Variants in CRYBG1 observed in about 807,000 individuals in gnomAD.
CRYBG1 encodes beta/gamma crystallin domain-containing protein 1.
A neutral mutation model predicts 189.2 loss-of-function variants in CRYBG1; 139 were observed. That is an observed-to-expected ratio of 0.73 (90% CI 0.64 to 0.85). The LOEUF (loss-of-function observed/expected upper bound fraction) is 0.85, where lower values mean the gene tolerates loss of function less well. Among genes scored for constraint, CRYBG1 ranks in the 40% least tolerant of loss-of-function variants. The pLI, the probability that CRYBG1 is intolerant of heterozygous loss-of-function variation, is 0.00. For synonymous variants in CRYBG1, 1,023 were observed against 1,017.1 expected (o/e 1.01, Z -0.11); for missense variants, 2,611 against 2,675.8 (o/e 0.98, Z 0.53).
In CRYBG1 at chr6:106,521,046, CAGTCT is replaced by C; in HGVS notation, c.3839_3843del (p.Gln1280LeufsTer8). The C allele has an allele frequency of 6.2e-7, 1 of 1,614,204 alleles. No homozygotes were observed. Among genetic ancestry groups the C allele is most frequent in the Non-Finnish European group, 8.5e-7 (1 of 1,180,034 alleles). On this transcript the variant is annotated frameshift_variant, in exon 4 of 22. Coordinates refer to ENST00000633556, the MANE Select transcript of CRYBG1 (RefSeq NM_001371242.2). LOFTEE classifies it high-confidence loss of function. ...TACTTCTCAGAACGGTTCCCTATCT[CAGTCT>C]TCAGTGTCACAGCCCACGACTGAGG...
At chr6:106,505,648 C>A (rs1169434710) in intron 2 of CRYBG1, among the ~76,000 whole-genome samples, 1 of 152,054 alleles carries the variant, frequency 6.6e-6, no homozygotes, top group Non-Finnish European at 1.5e-5. Flanking sequence ...ATTTTCTAAC[C>A]CCTATTTTAA....
chr6:106,512,098 GC>G lies in CRYBG1; in HGVS notation c.985del (p.Arg329AlafsTer48). 6.5e-7 allele frequency: 1 copy of G among 1,534,358 alleles called. No homozygotes were observed. The highest frequency in any genetic ancestry group is 8.7e-7 in the Non-Finnish European group (1 of 1,146,212). The part of the protein sequence containing the change: ...SVCAEEGSLG[P>X]RNARSQPPKG... ...TGTGTGCCGAAGAAGGCTCCCTGGG[GC>G]CCCGCAACGCCCGCAGCCAGCCCCC... On this transcript the variant is annotated frameshift_variant, in exon 3 of 22. Coordinates refer to ENST00000633556, the MANE Select transcript of CRYBG1 (RefSeq NM_001371242.2). LOFTEE classifies it high-confidence loss of function.
rs550257009 is a variant in CRYBG1, at chr6:106,481,043, G to A, written c.312+29211G>A. On this transcript the variant is annotated intron_variant, in intron 2 of 21. Coordinates refer to ENST00000633556, the MANE Select transcript of CRYBG1 (RefSeq NM_001371242.2). ...GGCTGGAGTGCAGTGGCGGGATCTC[G>A]GCTCACTGCAAGCTCCGCCTCCCGG... Among the ~76,000 whole-genome samples the A allele has an allele frequency of 8.6e-5, 6 of 69,380 alleles. 1 individual carries two copies. In the South Asian group the frequency reaches 2.8e-3, roughly 32 times the overall value. 45.5% of individuals were successfully genotyped at this position (69,380 alleles called of 152,430 possible). A position where few individuals can be genotyped will look rare whatever the true frequency, so the allele number is the denominator to read the frequency against.
chr6:106,416,320 A>G (rs1771020275), intron 1 of CRYBG1, among the ~76,000 whole-genome samples: 1 of 152,122 alleles, frequency 6.6e-6, no homozygotes, highest in Non-Finnish European at 1.5e-5. Context: ...TAATTTCTGT[A>G]TTTGGTTTTC....
chr6:106,424,972 G>C (rs1354587548), intron 1 of CRYBG1, among the ~76,000 whole-genome samples: 1 of 152,104 alleles, frequency 6.6e-6, no homozygotes, highest in Non-Finnish European at 1.5e-5. Context: ...CAGACTCTCT[G>C]AGGTGCCTCC....
At chr6:106,480,868 G>T (rs574699583) in intron 2 of CRYBG1, among the ~76,000 whole-genome samples, 19 of 150,574 alleles carry the variant, frequency 1.3e-4, no homozygotes, top group South Asian at 4.2e-4. Context: ...CTGCTTGGAA[G>T]GCTGAGACAT....
intron 1 of CRYBG1, among the ~76,000 whole-genome samples, chr6:106,371,833 T>C (rs1770043147): frequency 6.6e-6 from 1 of 152,230 alleles, no homozygotes; most frequent in South Asian, 2.1e-4. Context: ...TGTAAAAGGT[T>C]TCAAGTACTT....
At position 106,512,814 on chromosome 6, in the gene CRYBG1, C is replaced by T. The variant is rs373973928; in HGVS notation, c.1697C>T (p.Ala566Val). 30 of 1,574,504 alleles carry T rather than the reference C, an allele frequency of 1.9e-5. No homozygotes were observed. The African/African-American group carries it at 3.8e-4, about 20-fold the overall frequency. ...AAESGEEAAR[A>V]IPRELPVKSS... ...GAGAGCGGGGAGGAGGCGGCGCGGG[C>T]CATCCCCCGCGAGCTCCCGGTCAAG... Residue 566 changes from alanine to valine, a missense_variant, in exon 3 of 22, where the codon GCC (alanine) becomes GTC (valine). Transcript: ENST00000633556.
At chr6:106,425,313 G>A (rs1400041455) in intron 1 of CRYBG1, among the ~76,000 whole-genome samples, 1 of 152,062 alleles carries the variant, frequency 6.6e-6, no homozygotes, top group African/African-American at 2.4e-5. Context: ...TTGCACCTTT[G>A]CTTCTCAGTT....
intron 18 of CRYBG1, among the ~76,000 whole-genome samples, chr6:106,558,956 C>G (rs1401035133): frequency 6.6e-6 from 1 of 151,852 alleles, no homozygotes; most frequent in African/African-American, 2.4e-5. Context: ...AAGCAAGACC[C>G]TATCTTAATT....
chr6:106,519,859 T>C lies in CRYBG1; in HGVS notation c.2651T>C (p.Val884Ala), dbSNP rs143832386. ...LSLSAPAPGDVPKDTCVQSPI... is the reference protein window; with the variant it reads ...LSLSAPAPGDAPKDTCVQSPI... ...CTGTCTGCACCCGCTCCTGGGGATG[T>C]TCCCAAAGACACATGTGTTCAATCA... Residue 884 changes from valine (V) to alanine (A), a missense_variant, in exon 4 of 22, where the codon GTT (valine) becomes GCT (alanine). By Grantham distance (64) the Val-to-Ala change is moderately conservative. Around this residue, in one of 3 missense-constraint regions of CRYBG1, gnomAD observed 1,622 missense variants for 1,735.0 expected, o/e 0.93. Transcript: ENST00000633556. The C allele has an allele frequency of 1.5e-5, 25 of 1,614,064 alleles. No individual in the cohort carries two copies. Among genetic ancestry groups the C allele is most frequent in the Non-Finnish European group, 1.9e-5 (23 of 1,180,034 alleles).
rs1350862841 is a variant in CRYBG1, at chr6:106,423,694, C to CTTTTTTTTTTTT, written c.174-28000_174-27999insTTTTTTTTTTTT. Among the ~76,000 whole-genome samples, 5 of 101,246 alleles carry CTTTTTTTTTTTT rather than the reference C, an allele frequency of 4.9e-5. 2 individuals are homozygous for CTTTTTTTTTTTT. Among genetic ancestry groups the CTTTTTTTTTTTT allele is most frequent in the Non-Finnish European group, 9.3e-5 (5 of 53,574 alleles). The allele number at this position is 101,246 out of a possible 152,430, so 66.4% of individuals were successfully genotyped here. On this transcript the variant is annotated intron_variant, in intron 1 of 21. Coordinates refer to ENST00000633556, the MANE Select transcript of CRYBG1 (RefSeq NM_001371242.2). ...CCCTCCAGTCCTCAGTTCTCCCTCC[C>CTTTTTTTTTTTT]CTTTTTTTTTTTTTTTTTTTTTTTT...
intron 11 of CRYBG1, 24 bp from the exon 12 acceptor site, chr6:106,544,547 C>T (rs376529762): frequency 1.2e-6 from 2 of 1,608,038 alleles, no homozygotes; most frequent in African/African-American, 1.3e-5. Context: ...GAAATGACTA[C>T]TCCTCGTGTT....
intron 2 of CRYBG1, among the ~76,000 whole-genome samples, chr6:106,459,044 AT>A (rs1771947696): frequency 6.6e-6 from 1 of 152,200 alleles, no homozygotes; most frequent in Non-Finnish European, 1.5e-5. Flanking sequence ...GATATCTTAT[AT>A]TGTATGAAAA....
At chr6:106,434,888 C>T (rs1469559364) in intron 1 of CRYBG1, among the ~76,000 whole-genome samples, 1 of 152,208 alleles carries the variant, frequency 6.6e-6, no homozygotes, top group Non-Finnish European at 1.5e-5. Flanking sequence ...ACTTGTAAGT[C>T]TCTACCAGTT....
intron 1 of CRYBG1, among the ~76,000 whole-genome samples, chr6:106,384,528 C>T (rs1312920409): frequency 6.6e-6 from 1 of 151,988 alleles, no homozygotes; most frequent in Admixed American, 6.6e-5. Context: ...GAGTGACACT[C>T]GAATTGCGTT....
intron 1 of CRYBG1, among the ~76,000 whole-genome samples, chr6:106,379,752 G>T (rs1405954091): frequency 1.3e-5 from 2 of 151,958 alleles, no homozygotes; most frequent in East Asian, 1.9e-4. Flanking sequence ...GTAAAGATGG[G>T]GGTCTCACTG....
chr6:106,560,149 A>G (rs1774670389), intron 18 of CRYBG1, among the ~76,000 whole-genome samples: 1 of 152,188 alleles, frequency 6.6e-6, no homozygotes, highest in Non-Finnish European at 1.5e-5. Flanking sequence ...TTTTTGCAGT[A>G]GGTTTTAATA....
chr6:106,366,176 G>T (rs1186226072), intron 1 of CRYBG1, among the ~76,000 whole-genome samples: 1 of 152,056 alleles, frequency 6.6e-6, no homozygotes, highest in Non-Finnish European at 1.5e-5. Flanking sequence ...AGTCTTTTGT[G>T]GCTGGTTTGG....
Sources: allele counts gnomAD v4.1 joint callset (sites outside exome capture counted in the v4.1 genomes callset), GRCh38; gene constraint gnomAD v4.1.1; regional missense constraint gnomAD v4.1.1; transcripts MANE v1.5; gene names NCBI Gene and HGNC (gene_info 2026-07-23, HGNC 2026-07-21).